The following COL23A1 variants were observed in gnomAD, a reference collection of about 807,000 sequenced individuals.
The protein encoded by COL23A1 is collagen type XXIII alpha 1 chain.
A neutral mutation model predicts 99.3 loss-of-function variants in COL23A1; 97 were observed. The observed-to-expected ratio is 0.98, with a 90% CI of 0.83 to 1.16. The LOEUF is 1.16. Ranked by LOEUF, COL23A1 falls within the 50% of genes most tolerant of loss-of-function variation. The probability of loss-of-function intolerance (pLI) is 0.00; values close to 1 mark genes in which losing one functional copy is unlikely to be tolerated. For synonymous variants in COL23A1, 320 were observed against 308.2 expected, an observed-to-expected ratio of 1.04 and a Z score of -0.40; for missense variants, 762 against 757.4, an observed-to-expected ratio of 1.01 and a Z score of -0.07.
At chr5:178,505,774 T>C (rs77113795) in intron 2 of COL23A1, among the ~76,000 whole-genome samples, 3 of 152,140 alleles carry the variant, frequency 2.0e-5, no homozygotes, top group East Asian at 3.9e-4. Flanking sequence ...CCAGGAGGAC[T>C]ATGGTGGGGA....
chr5:178,385,978 A>T (rs555606292), intron 2 of COL23A1, among the ~76,000 whole-genome samples: 2 of 152,308 alleles, frequency 1.3e-5, no homozygotes, highest in East Asian at 3.9e-4. Context: ...TGTCCTAACC[A>T]TCTAGTACCA....
intron 2 of COL23A1, among the ~76,000 whole-genome samples, chr5:178,505,256 C>CT (rs34377422): frequency 0.37 from 54,818 of 147,614 alleles, 11,967 homozygotes; most frequent in Admixed American, 0.51. Flanking sequence ...TTCCCTTTTT[C>CT]TTTTTTTTTT....
At chr5:178,579,061 T>A (rs1251445433) in intron 1 of COL23A1, among the ~76,000 whole-genome samples, 1 of 152,366 alleles carries the variant, frequency 6.6e-6, no homozygotes. Flanking sequence ...CACATTTCTC[T>A]GCTCCTTGAC....
At chr5:178,261,972 C>T (rs570223494) in intron 10 of COL23A1, among the ~76,000 whole-genome samples, 20 of 152,354 alleles carry the variant, frequency 1.3e-4, no homozygotes, top group Admixed American at 5.9e-4. Context: ...CCGCAGCCTC[C>T]GCACAGGAAT....
intron 3 of COL23A1, among the ~76,000 whole-genome samples, chr5:178,302,315 C>G (rs36149155): frequency 0.025 from 1,268 of 50,028 alleles, 4 homozygotes; most frequent in Admixed American, 0.035. Context: ...CAATCCACCT[C>G]TGTGTGCGCC....
At position 178,306,095 on chromosome 5, in the gene COL23A1, T is replaced by G. The variant is rs1170886300; in HGVS notation, c.406+780A>C. 1.3e-5 allele frequency among the ~76,000 whole-genome samples: 2 copies of G among 151,618 alleles called. No homozygotes were observed. The highest frequency in any genetic ancestry group is 2.9e-5 in the Non-Finnish European group (2 of 67,890). ...GAGGAGAGGAGACGACCAAGGGAGA[T>G]TCATTCACGGGGCAGGTGGGTCCCG... On this transcript the variant is annotated intron_variant, in intron 3 of 28. Coordinates refer to ENST00000390654, the MANE Select transcript of COL23A1 (RefSeq NM_173465.4). This position sits in a 1 kb window ranked among gnomAD's most constrained non-coding sequence, Gnocchi z 4.1.
intron 2 of COL23A1, among the ~76,000 whole-genome samples, chr5:178,553,775 G>A (rs1036435910): frequency 9.2e-5 from 14 of 152,214 alleles, no homozygotes; most frequent in South Asian, 6.2e-4. Flanking sequence ...TCATACCCAC[G>A]TCCTAGAAGA....
intron 2 of COL23A1, among the ~76,000 whole-genome samples, chr5:178,379,297 T>C (rs2127733884): frequency 6.6e-6 from 1 of 152,258 alleles, no homozygotes; most frequent in East Asian, 1.9e-4. Flanking sequence ...GTCAGCACTG[T>C]TGACCGTAGA....
intron 2 of COL23A1, among the ~76,000 whole-genome samples, chr5:178,502,277 GC>G (rs1441730951): frequency 1.3e-5 from 2 of 152,080 alleles, no homozygotes; most frequent in South Asian, 2.1e-4. Context: ...GACTACAGGC[GC>G]CCGCCACCAC....
chr5:178,275,522 AG>A lies in COL23A1; in HGVS notation c.442-5160del, dbSNP rs554670952. Among the ~76,000 whole-genome samples, 57 of 152,298 alleles carry A rather than the reference AG, an allele frequency of 3.7e-4. No homozygotes were observed. In the South Asian group the frequency reaches 0.011, roughly 29 times the overall value. ...ACGTTATAAAGTTAATTAGGGAAGA[AG>A]GGAGGGGGAGGAACAAAAATAAACC... On this transcript the variant is annotated intron_variant, in intron 5 of 28. Coordinates refer to ENST00000390654, the MANE Select transcript of COL23A1 (RefSeq NM_173465.4).
chr5:178,429,184 G>A (rs1242043866), intron 2 of COL23A1, among the ~76,000 whole-genome samples: 1 of 152,156 alleles, frequency 6.6e-6, no homozygotes, highest in African/African-American at 2.4e-5. Context: ...ATCCTGCAGT[G>A]GATGGGGCAT....
chr5:178,270,036 A>G lies in COL23A1; in HGVS notation c.468+301T>C, dbSNP rs542901047. Among the ~76,000 whole-genome samples, 83 of 152,284 alleles carry G rather than the reference A, an allele frequency of 5.5e-4. 2 individuals are homozygous for G. Among genetic ancestry groups the G allele is most frequent in the African/African-American group, 1.9e-3 (79 of 41,562 alleles). On this transcript the variant is annotated intron_variant, in intron 6 of 28. Coordinates refer to ENST00000390654, the MANE Select transcript of COL23A1 (RefSeq NM_173465.4). Reference sequence around the variant, plus strand: ...TGCTCGCATGCTTTGAGGGCTGACTAGACCCCAGGGACTGTGCCGTCCACA... The same window carrying G: ...TGCTCGCATGCTTTGAGGGCTGACTGGACCCCAGGGACTGTGCCGTCCACA...
rs184631227 is a variant in COL23A1, at chr5:178,248,179, C to A, written c.1212+13G>T. On this transcript the variant is annotated intron_variant, in intron 20 of 28. Coordinates refer to ENST00000390654, the MANE Select transcript of COL23A1 (RefSeq NM_173465.4). ...GTGTTGGGGGAAGCCCTGACCCCCC[C>A]ATACCCCCTTACCAGGCTCTCCTGT... is the stretch of plus-strand genomic sequence containing the variant. The A allele has an allele frequency of 6.4e-7, 1 of 1,567,610 alleles. No individual in the cohort carries two copies. The highest frequency in any genetic ancestry group is 8.8e-7 in the Non-Finnish European group (1 of 1,141,938).
At chr5:178,462,881 C>G (rs182773911) in intron 2 of COL23A1, among the ~76,000 whole-genome samples, 24 of 152,310 alleles carry the variant, frequency 1.6e-4, no homozygotes, top group Non-Finnish European at 3.1e-4. Flanking sequence ...TGGTGTGAAA[C>G]TTGGTGAAAA....
intron 2 of COL23A1, among the ~76,000 whole-genome samples, chr5:178,422,365 A>G (rs1765678630): frequency 6.6e-6 from 1 of 152,180 alleles, no homozygotes; most frequent in African/African-American, 2.4e-5. Flanking sequence ...TCTTCTGCTT[A>G]ACGTTAGACA....
At chr5:178,479,811 T>G (rs34652639) in intron 2 of COL23A1, among the ~76,000 whole-genome samples, 58,048 of 152,130 alleles carry the variant, frequency 0.38, 13,306 homozygotes, top group Admixed American at 0.51. Context: ...CATGCCTCTC[T>G]TAATGACAGG....
rs1277913765 is a variant in COL23A1, at chr5:178,307,581, C to T, written c.362-662G>A. On this transcript the variant is annotated intron_variant, in intron 2 of 28. Coordinates refer to ENST00000390654, the MANE Select transcript of COL23A1 (RefSeq NM_173465.4). This position sits in a 1 kb window ranked among gnomAD's most constrained non-coding sequence, Gnocchi z 4.2. ...TTTACGGTGCAGAACCCCCTACCTCCGCCTCTGGCCCTCTGCCCACATCAG... is the reference window on the plus strand; with the variant it reads ...TTTACGGTGCAGAACCCCCTACCTCTGCCTCTGGCCCTCTGCCCACATCAG... Among the ~76,000 whole-genome samples the T allele has an allele frequency of 2.6e-5, 4 of 152,194 alleles. No homozygotes were observed. Among genetic ancestry groups the T allele is most frequent in the Non-Finnish European group, 5.9e-5 (4 of 68,042 alleles).
intron 2 of COL23A1, among the ~76,000 whole-genome samples, chr5:178,382,540 T>C (rs1346739617): frequency 6.6e-6 from 1 of 150,480 alleles, no homozygotes; most frequent in Non-Finnish European, 1.5e-5. Context: ...CGGGGAAGAG[T>C]AGGGTGAACC....
chr5:178,329,096 G>A (rs1343242043), intron 2 of COL23A1, among the ~76,000 whole-genome samples: 1 of 152,164 alleles, frequency 6.6e-6, no homozygotes, highest in Non-Finnish European at 1.5e-5. Flanking sequence ...CCCCCTCCAG[G>A]TGGCCAATTT....
Sources: gnomAD v4.1 joint callset for allele counts (sites outside exome capture counted in the v4.1 genomes callset) on GRCh38, gnomAD v4.1.1 for gene constraint, Gnocchi (gnomAD v3.1) non-coding constraint, MANE v1.5 for transcripts, NCBI Gene and HGNC (gene_info 2026-07-23, HGNC 2026-07-21) for gene names.